Variants in DOCK4 observed in about 807,000 individuals in gnomAD.
DOCK4 encodes the protein dedicator of cytokinesis 4, also known as dedicator of cytokinesis protein 4.
A neutral mutation model predicts 268.1 loss-of-function variants in DOCK4; 97 were observed. The ratio of observed to expected loss-of-function variants is 0.36; its 90% CI spans 0.31 to 0.43. DOCK4 has a LOEUF of 0.43. DOCK4 is among the 20% of genes least tolerant of loss of function. The probability of loss-of-function intolerance (pLI) is 1.00; values close to 1 mark genes in which losing one functional copy is unlikely to be tolerated. For missense variants in DOCK4, 2,145 were observed against 2,455.7 expected, an observed-to-expected ratio of 0.87 and a Z score of 2.67; for synonymous variants, 954 against 887.2, an observed-to-expected ratio of 1.08 and a Z score of -1.34.
chr7:112,206,089 C>G lies in DOCK4; in HGVS notation c.37+13G>C, dbSNP rs1214119104. The G allele has an allele frequency of 1.9e-6, 3 of 1,575,928 alleles. No individual in the cohort carries two copies. Among genetic ancestry groups the G allele is most frequent in the Non-Finnish European group, 2.6e-6 (3 of 1,160,534 alleles). On this transcript the variant is annotated intron_variant, in intron 1 of 52. Transcript: ENST00000428084. ...GCCAGAGCAGAATAAAAGTTCGCCC[C>G]GCGGAGACTCACCCACGCCGTATTT...
At chr7:111,802,504 A>G (rs1800377528) in intron 30 of DOCK4, among the ~76,000 whole-genome samples, 1 of 152,216 alleles carries the variant, frequency 6.6e-6, no homozygotes, top group Non-Finnish European at 1.5e-5. Context: ...GAGAGGGAAT[A>G]CAAAATGAAA....
intron 42 of DOCK4, among the ~76,000 whole-genome samples, chr7:111,749,458 A>G (rs1023500691): frequency 1.3e-5 from 2 of 152,178 alleles, no homozygotes; most frequent in African/African-American, 2.4e-5. Context: ...TAACACTACC[A>G]TACTGCACAC....
At chr7:111,853,295 T>C (rs1377078970) in intron 23 of DOCK4, among the ~76,000 whole-genome samples, 1 of 152,146 alleles carries the variant, frequency 6.6e-6, no homozygotes, top group Non-Finnish European at 1.5e-5. Flanking sequence ...GGCCGTTACA[T>C]TCCACAAACT....
chr7:111,770,790 T>C (rs1368944262), intron 36 of DOCK4, among the ~76,000 whole-genome samples: 1 of 152,260 alleles, frequency 6.6e-6, no homozygotes, highest in Non-Finnish European at 1.5e-5. Flanking sequence ...GTATCAATAA[T>C]GGTAATTCCT....
intron 1 of DOCK4, among the ~76,000 whole-genome samples, chr7:112,128,458 G>A (rs1021913550): frequency 1.3e-5 from 2 of 152,214 alleles, no homozygotes; most frequent in Admixed American, 6.5e-5. Context: ...TGACAATGGC[G>A]GCTTTGTGGA....
intron 1 of DOCK4, among the ~76,000 whole-genome samples, chr7:112,124,259 G>A (rs971501062): frequency 1.3e-5 from 2 of 152,230 alleles, no homozygotes; most frequent in South Asian, 4.1e-4. Flanking sequence ...GGTCTCAAGC[G>A]ATCCTCCTGA....
intron 44 of DOCK4, among the ~76,000 whole-genome samples, chr7:111,743,341 C>T (rs559811059): frequency 6.6e-6 from 1 of 152,200 alleles, no homozygotes; most frequent in Non-Finnish European, 1.5e-5. Flanking sequence ...AGGTTGAAAG[C>T]TCAGGTCAAA....
At chr7:111,926,252 T>C (rs1290879437) in intron 12 of DOCK4, among the ~76,000 whole-genome samples, 1 of 142,128 alleles carries the variant, frequency 7.0e-6, no homozygotes, top group Admixed American at 7.1e-5. Context: ...ACCCCATCTC[T>C]ACTAAAATAC....
chr7:111,811,744 T>C lies in DOCK4; in HGVS notation c.3006+130A>G, dbSNP rs925158002. ...TGAACAGTCTTCATCTGTTCACAAA[T>C]ATAATGAAAACTGTTCTAATATTCC... On this transcript the variant is annotated intron_variant, in intron 28 of 52. Transcript: ENST00000428084. 1.1e-5 allele frequency: 7 copies of C among 637,304 alleles called. No individual in the cohort carries two copies. The East Asian group carries it at 2.1e-4, about 19-fold the overall frequency. The allele number at this position is 637,304 out of a possible 1,614,324, so 39.5% of individuals were successfully genotyped here.
At chr7:111,758,233 T>C (rs896110381) in intron 41 of DOCK4, among the ~76,000 whole-genome samples, 1 of 152,228 alleles carries the variant, frequency 6.6e-6, no homozygotes, top group East Asian at 1.9e-4. Context: ...TCTTTATTCA[T>C]TGAACTTTAC....
At chr7:112,145,708 T>G (rs17567022) in intron 1 of DOCK4, among the ~76,000 whole-genome samples, 28,486 of 152,000 alleles carry the variant, frequency 0.19, 3,506 homozygotes, top group Non-Finnish European at 0.27. Context: ...TAGACATACA[T>G]GCACATGAGG....
intron 20 of DOCK4, 74 bp downstream of exon 20, chr7:111,871,916 C>T: frequency 2.4e-6 from 3 of 1,233,658 alleles, no homozygotes; most frequent in Non-Finnish European, 3.4e-6. Flanking sequence ...TTAAATTTTC[C>T]TATATCGCCT....
At position 111,825,978 on chromosome 7, in the gene DOCK4, T is replaced by TG. The variant is rs144033254; in HGVS notation, c.2836-3523dup. ...ATGTGCCAGGCACTGTGTTAGATGC[T>TG]GGGGATACCTGGTAAGAGACATTCT... On this transcript the variant is annotated intron_variant, in intron 26 of 52. Transcript: ENST00000428084. Among the ~76,000 whole-genome samples the TG allele has an allele frequency of 8.4e-3, 1,278 of 152,332 alleles. 18 individuals are homozygous for TG. The highest frequency in any genetic ancestry group is 0.03 in the African/African-American group (1,244 of 41,566).
intron 1 of DOCK4, among the ~76,000 whole-genome samples, chr7:112,195,085 C>T (rs981293951): frequency 6.6e-6 from 1 of 152,102 alleles, no homozygotes; most frequent in African/African-American, 2.4e-5. Flanking sequence ...TCGAGACCAG[C>T]CTGGTCAACA....
chr7:112,164,597 A>G (rs1265481092), intron 1 of DOCK4, among the ~76,000 whole-genome samples: 1 of 152,190 alleles, frequency 6.6e-6, no homozygotes, highest in Non-Finnish European at 1.5e-5. Context: ...CTAAAATTCA[A>G]CACATGGAAA....
At chr7:111,896,117 A>G (rs1808728718) in intron 15 of DOCK4, among the ~76,000 whole-genome samples, 1 of 152,180 alleles carries the variant, frequency 6.6e-6, no homozygotes, top group Admixed American at 6.5e-5. Flanking sequence ...GAATGAATGA[A>G]AGTGAAATGG....
intron 1 of DOCK4, among the ~76,000 whole-genome samples, chr7:112,093,644 C>T (rs1440178214): frequency 6.6e-6 from 1 of 152,122 alleles, no homozygotes; most frequent in Non-Finnish European, 1.5e-5. Flanking sequence ...AGCAAAGCGA[C>T]CTTTCTGTAA....
chr7:111,959,146 G>T lies in DOCK4; in HGVS notation c.702-13348C>A, dbSNP rs547641631. On this transcript the variant is annotated intron_variant, in intron 8 of 52. Transcript: ENST00000428084. ...GAAGGTCGCTGTGGGTCACTGACAG[G>T]CAGGCAGACACCCACAGAGAAATCT... 4.6e-5 allele frequency among the ~76,000 whole-genome samples: 7 copies of T among 150,792 alleles called. No individual in the cohort carries two copies. The East Asian group carries it at 1.4e-3, about 29-fold the overall frequency.
rs527966037 is a variant in DOCK4 at position 111,962,268 on chromosome 7, T to C, written c.701+14864A>G. 2.0e-5 allele frequency among the ~76,000 whole-genome samples: 3 copies of C among 152,326 alleles called. No individual in the cohort carries two copies. The South Asian group carries it at 6.2e-4, about 32-fold the overall frequency. On this transcript the variant is annotated intron_variant, in intron 8 of 52. Coordinates refer to ENST00000428084, the MANE Select transcript of DOCK4 (RefSeq NM_001363540.2). ...CTTCAAGAGCAATCAACACATATTA[T>C]TTCTGGTTAGGTTAGGTGTATTTCC...
Sources: allele counts gnomAD v4.1 joint callset (sites outside exome capture counted in the v4.1 genomes callset), GRCh38; gene constraint gnomAD v4.1.1; transcripts MANE v1.5; gene names NCBI Gene and HGNC (gene_info 2026-07-23, HGNC 2026-07-21).